The following DCAF4 variants were observed in gnomAD, a reference collection of about 807,000 sequenced individuals.
DCAF4 encodes DDB1- and CUL4-associated factor 4.
Under a neutral mutation model 60.9 loss-of-function variants are expected in DCAF4, and 37 were observed. That is an observed-to-expected ratio of 0.61 (90% CI 0.47 to 0.80). DCAF4 has a LOEUF of 0.80. Ranked by LOEUF, DCAF4 falls within the 30% of genes least tolerant of loss-of-function variation. The probability of loss-of-function intolerance (pLI) is 0.00; values close to 1 mark genes in which losing one functional copy is unlikely to be tolerated. For missense variants in DCAF4, 577 were observed against 650.0 expected (o/e 0.89, Z 1.22); for synonymous variants, 243 against 254.8 (o/e 0.95, Z 0.44).
Position 72,940,301 on chromosome 14 carries a change from C to T in DCAF4, c.275C>T (p.Thr92Met), listed in dbSNP as rs139409447. Residue 92 changes from threonine (T) to methionine (M), a missense_variant, in exon 4 of 14, where the codon ACG (threonine) becomes ATG (methionine). By Grantham distance (81) the Thr-to-Met change is moderately conservative. Transcript: ENST00000358377. ...GGACATAACAACTGCAACCCCCTGA[C>T]GAAAGAGAGCATCCGGCAGAAGGAG... ...LPGHNNCNPL[T>M]KESIRQKEME... 85 of 1,614,010 alleles carry T rather than the reference C, an allele frequency of 5.3e-5. No individual in the cohort carries two copies. In the East Asian group the frequency reaches 1.2e-3, roughly 22 times the overall value.
intron 1 of DCAF4, among the ~76,000 whole-genome samples, chr14:72,934,419 G>A (rs1888990122): frequency 1.3e-5 from 2 of 152,064 alleles, no homozygotes; most frequent in South Asian, 4.1e-4. Context: ...CTCCCAAAGT[G>A]CTGGGATTAC....
intron 13 of DCAF4, chr14:72,956,713 C>T (rs914034539): frequency 8.3e-6 from 4 of 484,414 alleles, no homozygotes; most frequent in African/African-American, 7.9e-5. Flanking sequence ...TGGACAGCCT[C>T]ATCCCATGTC....
At position 72,943,006 on chromosome 14, in the gene DCAF4, G is replaced by A. The variant is rs573237417; in HGVS notation, c.444G>A (p.Glu148=). The stretch of plus-strand genomic sequence containing the variant: ...TCTGTTTCTGCAGTTTAGCCCACGA[G>A]CTGCGTCTCAGCTGCATGGAGAGGA... ...NVTNYCHLAH[E]LRLSCMERKK... The change falls in exon 6 of 14, where the codon GAG becomes GAA. Residue 148 remains glutamate (E), a synonymous_variant. Coordinates refer to ENST00000358377, the MANE Select transcript of DCAF4 (RefSeq NM_015604.4). The A allele has an allele frequency of 1.2e-5, 19 of 1,614,178 alleles. No homozygotes were observed. The African/African-American group carries it at 2.4e-4, about 20-fold the overall frequency.
intron 6 of DCAF4, 34 bp from the exon 7 acceptor site, chr14:72,945,850 G>A (rs1225441410): frequency 3.1e-6 from 5 of 1,613,372 alleles, no homozygotes; most frequent in African/African-American, 1.3e-5. Flanking sequence ...GGCGCAGCCT[G>A]GGACGTCACC....
At position 72,938,005 on chromosome 14, in the gene DCAF4, A is replaced by G; in HGVS notation, c.27A>G (p.Arg9=). 1 of 1,608,702 alleles carries G rather than the reference A, an allele frequency of 6.2e-7. No homozygotes were observed. Among genetic ancestry groups the G allele is most frequent in the Non-Finnish European group, 8.5e-7 (1 of 1,178,594 alleles). The part of the protein sequence containing the change: MNKSRWQS[R]RRHGRRSHQQ... Reference sequence around the variant, plus strand: ...TGAATAAAAGTCGCTGGCAGAGTAGAAGACGACATGGGAGAAGAAGCCACC... The same window carrying G: ...TGAATAAAAGTCGCTGGCAGAGTAGGAGACGACATGGGAGAAGAAGCCACC... The change falls in exon 2 of 14, where the codon AGA becomes AGG. Residue 9 remains arginine, a synonymous_variant. Transcript: ENST00000358377.
At chr14:72,935,535 G>A (rs1889152645) in intron 1 of DCAF4, among the ~76,000 whole-genome samples, 2 of 152,226 alleles carry the variant, frequency 1.3e-5, no homozygotes, top group South Asian at 2.1e-4. Context: ...GATTACAGGC[G>A]TGAGCCACCA....
intron 8 of DCAF4, among the ~76,000 whole-genome samples, 199 bp from the exon 9 acceptor site, chr14:72,951,599 G>A (rs1256827691): frequency 1.3e-5 from 2 of 151,924 alleles, no homozygotes; most frequent in Non-Finnish European, 2.9e-5. Context: ...CAACAAGAGC[G>A]AAACTCCGTC....
At chr14:72,948,232 G>A (rs1420144732) in intron 8 of DCAF4, among the ~76,000 whole-genome samples, 2 of 151,992 alleles carry the variant, frequency 1.3e-5, no homozygotes, top group Non-Finnish European at 2.9e-5. Context: ...CTGTCACCCA[G>A]GCTGGAGTGC....
rs187776989 is a variant in DCAF4, at chr14:72,954,113, T to C, written c.809-51T>C. ...GATGTTTTCCGAACCCAGTGGTCCC[T>C]GGCCTGCCTAGAAGGCAGCCACACT... On this transcript the variant is annotated intron_variant, in intron 9 of 13. Transcript: ENST00000358377. The C allele has an allele frequency of 8.3e-5, 132 of 1,591,704 alleles. 1 individual carries two copies. In the East Asian group the frequency reaches 2.8e-3, roughly 33 times the overall value.
intron 6 of DCAF4, among the ~76,000 whole-genome samples, chr14:72,944,631 A>G (rs886582580): frequency 6.6e-5 from 10 of 152,114 alleles, no homozygotes; most frequent in African/African-American, 1.2e-4. Flanking sequence ...CGTCTCTACA[A>G]AAAAATATAA....
In DCAF4 at chr14:72,942,976, C is replaced by G; in HGVS notation, c.432-18C>G. On this transcript the variant is annotated intron_variant, in intron 5 of 13. Transcript: ENST00000358377. ...ATGTCAGCTTCAGCATCCATGCCCC[C>G]ACCCTCTGTTTCTGCAGTTTAGCCC... is the stretch of plus-strand genomic sequence containing the variant. The G allele has an allele frequency of 6.2e-7, 1 of 1,612,814 alleles. No individual in the cohort carries two copies. The highest frequency in any genetic ancestry group is 1.1e-5 in the South Asian group (1 of 90,950).
At chr14:72,929,736 T>C (rs1888271909) in intron 1 of DCAF4, 9 of 1,118,966 alleles carry the variant, frequency 8.0e-6, no homozygotes, top group Middle Eastern at 2.8e-4. Flanking sequence ...CCATTTCTCC[T>C]TGAAGACCTT....
chr14:72,932,884 C>T (rs370072783), intron 1 of DCAF4, among the ~76,000 whole-genome samples: 23 of 81,928 alleles, frequency 2.8e-4, no homozygotes, highest in African/African-American at 7.0e-4. Flanking sequence ...ATTTTTTTTT[C>T]TTTCTTTCTT....
chr14:72,956,325 T>C, intron 12 of DCAF4, 61 bp from the exon 13 acceptor site: 1 of 1,372,474 alleles, frequency 7.3e-7, no homozygotes, highest in Non-Finnish European at 9.9e-7. Context: ...GGCTTTGCAC[T>C]TGGGGACCAC....
At position 72,935,502 on chromosome 14, in the gene DCAF4, G is replaced by A. The variant is rs145594934; in HGVS notation, c.-8-2469G>A. On this transcript the variant is annotated intron_variant, in intron 1 of 13. Coordinates refer to ENST00000358377, the MANE Select transcript of DCAF4 (RefSeq NM_015604.4). The stretch of plus-strand genomic sequence containing the variant: ...ACTCCTGACCTCAGGTGATCCACCC[G>A]CATCGGCCTCCCAAAGTGTTGGGAT... Among the ~76,000 whole-genome samples, 852 of 152,296 alleles carry A rather than the reference G, an allele frequency of 5.6e-3. 9 individuals carry two copies. Among genetic ancestry groups the A allele is most frequent in the African/African-American group, 0.018 (764 of 41,560 alleles).
At chr14:72,950,597 G>A (rs780023131) in intron 8 of DCAF4, among the ~76,000 whole-genome samples, 6 of 152,058 alleles carry the variant, frequency 3.9e-5, no homozygotes, top group Admixed American at 1.3e-4. Flanking sequence ...GAGAGGAACC[G>A]CGTCAGTCAA....
rs115668994 is a variant in DCAF4, at chr14:72,952,418, T to C, written c.808+541T>C. 5.6e-3 allele frequency among the ~76,000 whole-genome samples: 860 copies of C among 152,290 alleles called. 7 individuals carry two copies. The highest frequency in any genetic ancestry group is 0.02 in the African/African-American group (823 of 41,556). On this transcript the variant is annotated intron_variant, in intron 9 of 13. Transcript: ENST00000358377. ...AACCTCTCTAAAGTGGACAGGGCCTTCTCAGTCCACATCCGTGGAGAATTA... is the reference window on the plus strand; with the variant it reads ...AACCTCTCTAAAGTGGACAGGGCCTCCTCAGTCCACATCCGTGGAGAATTA...
intron 1 of DCAF4, among the ~76,000 whole-genome samples, chr14:72,928,045 C>G (rs1887867555): frequency 1.3e-5 from 2 of 151,966 alleles, no homozygotes; most frequent in Non-Finnish European, 2.9e-5. Flanking sequence ...AAGCTATCCT[C>G]CCACCTCAGC....
rs74062612 is a variant in DCAF4 at position 72,942,638 on chromosome 14, C to T, written c.432-356C>T. 939 of 211,874 alleles carry T rather than the reference C, an allele frequency of 4.4e-3. 13 individuals carry two copies. The highest frequency in any genetic ancestry group is 0.021 in the African/African-American group (897 of 43,266). The allele number at this position is 211,874 out of a possible 1,614,324, so 13.1% of individuals were successfully genotyped here. The stretch of plus-strand genomic sequence containing the variant: ...TGGGGCTCTTCCCGGCAGCCGTATC[C>T]TGGGGCTCTTCCCAGCAGCGGAGTG... On this transcript the variant is annotated intron_variant, in intron 5 of 13. Transcript: ENST00000358377.
Sources: gnomAD v4.1 joint callset for allele counts (sites outside exome capture counted in the v4.1 genomes callset) on GRCh38, gnomAD v4.1.1 for gene constraint, MANE v1.5 for transcripts, NCBI Gene and HGNC (gene_info 2026-07-23, HGNC 2026-07-21) for gene names.